USP15: variants seen among roughly 807,000 people sequenced by gnomAD.
The protein encoded by USP15 is ubiquitin carboxyl-terminal hydrolase 15.
USP15 carries 18 observed loss-of-function variants against 127.1 expected under a neutral mutation model. That is an observed-to-expected ratio of 0.14 (90% CI 0.10 to 0.21). USP15 has a LOEUF of 0.21. USP15 is among the 10% of genes least tolerant of loss of function. The pLI, the probability that USP15 is intolerant of heterozygous loss-of-function variation, is 1.00. For synonymous variants in USP15, 364 were observed against 393.7 expected, an observed-to-expected ratio of 0.92 and a Z score of 0.89; for missense variants, 805 against 1,159.9, an observed-to-expected ratio of 0.69 and a Z score of 4.44.
At chr12:62,320,866 G>A (rs1044902731) in intron 4 of USP15, among the ~76,000 whole-genome samples, 1 of 152,002 alleles carries the variant, frequency 6.6e-6, no homozygotes, top group Non-Finnish European at 1.5e-5. Context: ...GATTAGGCAA[G>A]TTATTGACCA....
chr12:62,347,610 G>A (rs966507048), intron 6 of USP15, among the ~76,000 whole-genome samples: 79 of 151,798 alleles, frequency 5.2e-4, no homozygotes, highest in Admixed American at 5.1e-3. Context: ...AAAATGCCAG[G>A]ATATTTCCAT....
At position 62,314,847 on chromosome 12, in the gene USP15, T is replaced by A. The variant is rs148900429; in HGVS notation, c.406T>A (p.Leu136Met). 6.3e-7 allele frequency: 1 copy of A among 1,599,622 alleles called. No homozygotes were observed. The highest frequency in any genetic ancestry group is 1.1e-5 in the South Asian group (1 of 88,962). Residue 136 changes from leucine to methionine, a missense_variant, in exon 4 of 22, where the codon TTG (leucine) becomes ATG (methionine). Physicochemically the swap from Leu to Met is conservative, Grantham distance 15. Transcript: ENST00000280377. Reference sequence around the variant, plus strand: ...CAAAGTAGAAGTATATCTCACAGAATTGAAGCTATGTGAAAATGGAAACAT... The same window carrying A: ...CAAAGTAGAAGTATATCTCACAGAAATGAAGCTATGTGAAAATGGAAACAT... ...HCKVEVYLTE[L>M]KLCENGNMNN...
intron 8 of USP15, among the ~76,000 whole-genome samples, chr12:62,373,930 G>A (rs2066751494): frequency 6.6e-6 from 1 of 151,808 alleles, no homozygotes; most frequent in Admixed American, 6.6e-5. Flanking sequence ...GTTTTTAATT[G>A]AAAAAGTTTA....
intron 8 of USP15, among the ~76,000 whole-genome samples, chr12:62,355,975 C>G (rs558210658): frequency 2.0e-5 from 3 of 150,952 alleles, no homozygotes; most frequent in Non-Finnish European, 4.4e-5. Flanking sequence ...TTCCCCTGCC[C>G]CCACCCCCTT....
Position 62,312,492 on chromosome 12 carries a change from A to G in USP15, c.349-2298A>G, listed in dbSNP as rs577177550. Among the ~76,000 whole-genome samples, 207 of 151,784 alleles carry G rather than the reference A, an allele frequency of 1.4e-3. 1 individual carries two copies. Among genetic ancestry groups the G allele is most frequent in the African/African-American group, 4.8e-3 (198 of 41,518 alleles). On this transcript the variant is annotated intron_variant, in intron 3 of 21. Coordinates refer to ENST00000280377, the MANE Select transcript of USP15 (RefSeq NM_001252078.2). ...TGTAGCTCAAATACTTAGTAAAGAG[A>G]CTTTGCCTTCATTATGGTTATAAAT...
intron 21 of USP15, among the ~76,000 whole-genome samples, chr12:62,403,730 G>A (rs1162076919): frequency 6.6e-6 from 1 of 151,992 alleles, no homozygotes; most frequent in African/African-American, 2.4e-5. Context: ...AAGTCCAGTG[G>A]ATAAGGACTC....
chr12:62,317,578 A>ATGTAAATTC (rs2064867781), intron 4 of USP15, among the ~76,000 whole-genome samples: 2 of 152,196 alleles, frequency 1.3e-5, no homozygotes, highest in Non-Finnish European at 2.9e-5. Context: ...TACATAAGGA[A>ATGTAAATTC]CTTAAGATGG....
chr12:62,275,450 A>T (rs540773798), intron 1 of USP15, among the ~76,000 whole-genome samples: 1 of 151,980 alleles, frequency 6.6e-6, no homozygotes, highest in East Asian at 1.9e-4. Context: ...GGATTAATAG[A>T]TATATAAAAT....
intron 21 of USP15, among the ~76,000 whole-genome samples, chr12:62,403,563 A>C (rs1357447932): frequency 6.6e-6 from 1 of 152,058 alleles, no homozygotes; most frequent in Admixed American, 6.6e-5. Flanking sequence ...TGAGTTGAGA[A>C]GTGTGCATGA....
chr12:62,343,851 C>G (rs1435631989), intron 6 of USP15, among the ~76,000 whole-genome samples: 1 of 152,156 alleles, frequency 6.6e-6, no homozygotes, highest in African/African-American at 2.4e-5. Context: ...ATCTTGGCCC[C>G]TCCCCGAAAC....
At chr12:62,392,959 A>T in intron 18 of USP15, 94 bp from the exon 19 acceptor site, 1 of 1,417,302 alleles carries the variant, frequency 7.1e-7, no homozygotes, top group Non-Finnish European at 9.7e-7. Context: ...CACTGAATAA[A>T]TGTAGAACTT....
At chr12:62,359,965 A>G (rs2066263748) in intron 8 of USP15, among the ~76,000 whole-genome samples, 1 of 152,128 alleles carries the variant, frequency 6.6e-6, no homozygotes, top group South Asian at 2.1e-4. Context: ...CCATCTAGAG[A>G]ATGCCCAGTT....
chr12:62,334,837 T>G (rs2065410859), intron 6 of USP15, among the ~76,000 whole-genome samples: 1 of 152,202 alleles, frequency 6.6e-6, no homozygotes, highest in Admixed American at 6.5e-5. Flanking sequence ...CCATGAGTGT[T>G]AAATGTTTAG....
chr12:62,389,292 C>A, intron 11 of USP15, 139 bp from the exon 12 acceptor site: 1 of 681,920 alleles, frequency 1.5e-6, no homozygotes, highest in Non-Finnish European at 2.4e-6. Context: ...TCACACAGGA[C>A]CCAGGATAGT....
At chr12:62,366,837 C>T (rs900923390) in intron 8 of USP15, among the ~76,000 whole-genome samples, 13 of 152,098 alleles carry the variant, frequency 8.5e-5, no homozygotes, top group Non-Finnish European at 1.0e-4. Context: ...GTTCTGTTTA[C>T]GTGATGGATT....
At chr12:62,269,516 T>G (rs1382475115) in intron 1 of USP15, among the ~76,000 whole-genome samples, 1 of 152,104 alleles carries the variant, frequency 6.6e-6, no homozygotes, top group African/African-American at 2.4e-5. Flanking sequence ...TCTCCTGGGC[T>G]CAAGCAATTC....
At chr12:62,300,265 G>A (rs1199907499) in intron 2 of USP15, among the ~76,000 whole-genome samples, 2 of 151,928 alleles carry the variant, frequency 1.3e-5, no homozygotes, top group Non-Finnish European at 2.9e-5. Context: ...TTTCTTTTAC[G>A]AGTTTTATAG....
At chr12:62,307,742 C>T (rs896004252) in intron 3 of USP15, among the ~76,000 whole-genome samples, 2 of 152,116 alleles carry the variant, frequency 1.3e-5, no homozygotes, top group Admixed American at 6.6e-5. Flanking sequence ...ACTACCTTCC[C>T]GTTTGTCACT....
intron 6 of USP15, among the ~76,000 whole-genome samples, chr12:62,329,054 C>G (rs2065209436): frequency 6.6e-6 from 1 of 152,186 alleles, no homozygotes; most frequent in African/African-American, 2.4e-5. Context: ...AAATATAACA[C>G]TTATATTTAA....
Sources: allele counts gnomAD v4.1 joint callset (sites outside exome capture counted in the v4.1 genomes callset), GRCh38; gene constraint gnomAD v4.1.1; transcripts MANE v1.5; gene names NCBI Gene and HGNC (gene_info 2026-07-23, HGNC 2026-07-21).